The following TSNARE1 variants were observed in gnomAD, a reference collection of about 807,000 sequenced individuals.
TSNARE1 encodes the protein t-SNARE domain containing 1, also known as t-SNARE domain-containing protein 1.
TSNARE1 carries 49 observed loss-of-function variants against 62.0 expected under a neutral mutation model. That is an observed-to-expected ratio of 0.79 (90% confidence interval 0.63 to 1.00). The LOEUF (loss-of-function observed/expected upper bound fraction) is 1.00, where lower values mean the gene tolerates loss of function less well. TSNARE1 is among the 50% of genes least tolerant of loss of function. The probability of loss-of-function intolerance (pLI) is 0.00; values close to 1 mark genes in which losing one functional copy is unlikely to be tolerated. For synonymous variants in TSNARE1, 328 were observed against 294.4 expected (o/e 1.11, Z -1.17); for missense variants, 755 against 700.1 (o/e 1.08, Z -0.88).
At chr8:142,280,804 G>A (rs1042044351) in intron 11 of TSNARE1, among the ~76,000 whole-genome samples, 3 of 152,164 alleles carry the variant, frequency 2.0e-5, no homozygotes, top group African/African-American at 7.2e-5. Context: ...GAAGGGGGGA[G>A]GACAGAGCGA....
intron 12 of TSNARE1, chr8:142,274,106 G>GC (rs1820027964): frequency 1.0e-6 from 1 of 985,268 alleles, no homozygotes; most frequent in South Asian, 4.7e-5. Context: ...AGCCTGCCTG[G>GC]CCCCTGGGAC....
At chr8:142,242,524 T>A in intron 12 of TSNARE1, among the ~76,000 whole-genome samples, 1 of 152,184 alleles carries the variant, frequency 6.6e-6, no homozygotes, top group Middle Eastern at 3.4e-3. Flanking sequence ...ACCTGATAAG[T>A]GGTTAAAATT....
At chr8:142,307,715 C>T (rs1419655014) in intron 9 of TSNARE1, among the ~76,000 whole-genome samples, 3 of 152,118 alleles carry the variant, frequency 2.0e-5, no homozygotes, top group Non-Finnish European at 2.9e-5. Flanking sequence ...CTCATGGATA[C>T]GAAGGGCCAA....
chr8:142,358,390 G>C (rs974336072), intron 1 of TSNARE1, among the ~76,000 whole-genome samples: 9 of 152,170 alleles, frequency 5.9e-5, no homozygotes, highest in Non-Finnish European at 1.3e-4. Flanking sequence ...GAACGCTCAT[G>C]GGAGGAGGGA....
chr8:142,225,397 C>T (rs992994585), intron 13 of TSNARE1, among the ~76,000 whole-genome samples: 2 of 152,086 alleles, frequency 1.3e-5, no homozygotes, highest in African/African-American at 4.8e-5. Context: ...CTGGCTCAGC[C>T]ACCTCCCCTG....
chr8:142,318,974 G>A (rs1024632601), intron 6 of TSNARE1, among the ~76,000 whole-genome samples: 1 of 148,274 alleles, frequency 6.7e-6, no homozygotes, highest in Admixed American at 6.7e-5. Flanking sequence ...AAGAGACGGG[G>A]GAGACGGGCA....
chr8:142,381,160 C>T (rs1156710702), intron 1 of TSNARE1, among the ~76,000 whole-genome samples: 1 of 152,220 alleles, frequency 6.6e-6, no homozygotes, highest in Admixed American at 6.5e-5. Context: ...GAAGCTGCTC[C>T]CCTGGGAATC....
rs993987314 is a variant in TSNARE1 at position 142,331,093 on chromosome 8, C to T, written c.824-123G>A. 2.0e-5 allele frequency: 16 copies of T among 787,368 alleles called. No homozygotes were observed. In the South Asian group the frequency reaches 2.6e-4, roughly 13 times the overall value. The allele number at this position is 787,368 out of a possible 1,614,324, so 48.8% of individuals were successfully genotyped here. A position where few individuals can be genotyped will look rare whatever the true frequency, so the allele number is the denominator to read the frequency against. The stretch of plus-strand genomic sequence containing the variant: ...CAGAGCCCAGGGACCAGTGCTTGAG[C>T]CAGGGCAGACCACCTAAGTGGCCTG... On this transcript the variant is annotated intron_variant, in intron 5 of 13. Transcript: ENST00000524325.
At chr8:142,255,761 T>C (rs1041910091) in intron 12 of TSNARE1, among the ~76,000 whole-genome samples, 12 of 37,732 alleles carry the variant, frequency 3.2e-4, no homozygotes, top group African/African-American at 5.1e-4. Flanking sequence ...ACCACCACCA[T>C]CACCATCACC....
rs1405497606 is a variant in TSNARE1 at position 142,371,757 on chromosome 8, C to T, written c.-39-16994G>A. 6.6e-5 allele frequency among the ~76,000 whole-genome samples: 10 copies of T among 152,152 alleles called. No individual in the cohort carries two copies. In the South Asian group the frequency reaches 1.0e-3, roughly 16 times the overall value. ...TGTCTCTTACCATACGTGAGCTAAA[C>T]GCCAACTCTTAAAAAAAAGAGTATG... is the stretch of plus-strand genomic sequence containing the variant. On this transcript the variant is annotated intron_variant, in intron 1 of 13. Coordinates refer to ENST00000524325, the MANE Select transcript of TSNARE1 (RefSeq NM_145003.5).
rs149126139 is a variant in TSNARE1, at chr8:142,362,174, G to A, written c.-39-7411C>T. On this transcript the variant is annotated intron_variant, in intron 1 of 13. Coordinates refer to ENST00000524325, the MANE Select transcript of TSNARE1 (RefSeq NM_145003.5). Reference sequence around the variant, plus strand: ...CAGGCAGGAATCAGACAGCGGCACAGGAAGGGGCAGTCCCAGGAAAAGTGA... The same window carrying A: ...CAGGCAGGAATCAGACAGCGGCACAAGAAGGGGCAGTCCCAGGAAAAGTGA... Among the ~76,000 whole-genome samples, 123 of 152,334 alleles carry A rather than the reference G, an allele frequency of 8.1e-4. 1 individual carries two copies. The East Asian group carries it at 0.023, about 28-fold the overall frequency.
intron 1 of TSNARE1, among the ~76,000 whole-genome samples, chr8:142,380,177 CCAA>C (rs1432857687): frequency 1.3e-5 from 2 of 152,212 alleles, no homozygotes; most frequent in African/African-American, 4.8e-5. Flanking sequence ...TTCCCACCTC[CCAA>C]CAACTCCACA....
intron 3 of TSNARE1, 76 bp from the exon 4 acceptor site, chr8:142,344,548 G>A (rs946435435): frequency 4.2e-5 from 58 of 1,390,054 alleles, no homozygotes; most frequent in Non-Finnish European, 4.5e-5. Flanking sequence ...AGCTCCCTAC[G>A]GCGCCTCCTC....
chr8:142,353,705 C>A (rs534741116), intron 2 of TSNARE1, among the ~76,000 whole-genome samples: 1 of 152,204 alleles, frequency 6.6e-6, no homozygotes, highest in Non-Finnish European at 1.5e-5. Context: ...CCTGAACAGG[C>A]CCCCTGGGGA....
At chr8:142,349,702 G>C (rs1205745506) in intron 2 of TSNARE1, among the ~76,000 whole-genome samples, 1 of 152,234 alleles carries the variant, frequency 6.6e-6, no homozygotes, top group Non-Finnish European at 1.5e-5. Context: ...GGCTGTGAAA[G>C]CAGCAGCAGC....
At chr8:142,270,160 G>A (rs1055088083) in intron 12 of TSNARE1, 1 of 985,438 alleles carries the variant, frequency 1.0e-6, no homozygotes, top group South Asian at 4.7e-5. Flanking sequence ...GGCTGCCTAG[G>A]CTGGGGGGCT....
At chr8:142,327,258 G>A (rs1389988141) in intron 6 of TSNARE1, among the ~76,000 whole-genome samples, 3 of 152,186 alleles carry the variant, frequency 2.0e-5, no homozygotes, top group Admixed American at 1.3e-4. Context: ...TGAGACAGAG[G>A]GGTGCAGTTC....
At chr8:142,229,806 G>A (rs907105971) in intron 12 of TSNARE1, among the ~76,000 whole-genome samples, 1 of 152,286 alleles carries the variant, frequency 6.6e-6, no homozygotes, top group Admixed American at 6.5e-5. Flanking sequence ...CAAAGGGAGA[G>A]AGGCAGGAGA....
At chr8:142,307,186 A>G (rs1222188467) in intron 9 of TSNARE1, among the ~76,000 whole-genome samples, 2 of 152,226 alleles carry the variant, frequency 1.3e-5, no homozygotes, top group East Asian at 3.8e-4. Context: ...AGTGGCATGA[A>G]TTCAGCTTGG....
Sources: allele counts gnomAD v4.1 joint callset (sites outside exome capture counted in the v4.1 genomes callset), GRCh38; gene constraint gnomAD v4.1.1; transcripts MANE v1.5; gene names NCBI Gene and HGNC (gene_info 2026-07-23, HGNC 2026-07-21).